NAV1: variants seen among roughly 807,000 people sequenced by gnomAD.
The protein encoded by NAV1 is pore membrane and/or filament interacting like protein 3.
NAV1 carries 18 observed loss-of-function variants against 175.2 expected under a neutral mutation model. That is an observed-to-expected ratio of 0.10 (90% confidence interval 0.07 to 0.15). The LOEUF (loss-of-function observed/expected upper bound fraction) is 0.15, where lower values mean the gene tolerates loss of function less well. Among genes scored for constraint, NAV1 ranks in the 10% least tolerant of loss-of-function variants. The probability of loss-of-function intolerance (pLI) is 1.00; values close to 1 mark genes in which losing one functional copy is unlikely to be tolerated. For missense variants in NAV1, 1,731 were observed against 2,436.6 expected (o/e 0.71, Z 6.10); for synonymous variants, 897 against 978.7 (o/e 0.92, Z 1.56).
intron 1 of NAV1, among the ~76,000 whole-genome samples, chr1:201,626,442 C>T (rs1017951409): frequency 6.6e-6 from 1 of 152,210 alleles, no homozygotes; most frequent in African/African-American, 2.4e-5. Flanking sequence ...GCCCCATCCT[C>T]CACAGCCCTC....
At chr1:201,655,372 C>A (rs1003578698) in intron 1 of NAV1, among the ~76,000 whole-genome samples, 17 of 152,256 alleles carry the variant, frequency 1.1e-4, no homozygotes, top group African/African-American at 4.1e-4. Flanking sequence ...GACCTCCCCC[C>A]ACACCCTGTT....
At position 201,556,034 on chromosome 1, in the gene NAV1, T is replaced by C. The variant is rs144950022; in HGVS notation, c.-144+16692T>C. Among the ~76,000 whole-genome samples, 736 of 152,260 alleles carry C rather than the reference T, an allele frequency of 4.8e-3. 3 individuals carry two copies. The highest frequency in any genetic ancestry group is 0.017 in the African/African-American group (704 of 41,538). On this transcript the variant is annotated intron_variant, in intron 1 of 33. Transcript: ENST00000685211. Reference sequence around the variant, plus strand: ...GGATTGAAAATGCCACATTCATTAATTCACTGATCCATTCATTCATTCACT... The same window carrying C: ...GGATTGAAAATGCCACATTCATTAACTCACTGATCCATTCATTCATTCACT...
chr1:201,600,927 C>G (rs893274448), intron 2 of NAV1, among the ~76,000 whole-genome samples: 2 of 152,182 alleles, frequency 1.3e-5, no homozygotes, highest in East Asian at 1.9e-4. Flanking sequence ...TTCCCTGGGT[C>G]TCTGCCAAAG....
chr1:201,786,724 AAAGT>A (rs1676775684), intron 9 of NAV1, 147 bp downstream of exon 13: 1 of 800,400 alleles, frequency 1.2e-6, no homozygotes, highest in African/African-American at 1.7e-5. Context: ...TTATCCACCC[AAAGT>A]AAGATTGAAG....
At chr1:201,625,820 C>A (rs1668315692) in intron 1 of NAV1, among the ~76,000 whole-genome samples, 1 of 152,186 alleles carries the variant, frequency 6.6e-6, no homozygotes, top group African/African-American at 2.4e-5. Flanking sequence ...ATATTCAGAA[C>A]CTGACATTTT....
intron 2 of NAV1, among the ~76,000 whole-genome samples, chr1:201,617,051 C>T (rs2102267146): frequency 6.6e-6 from 1 of 152,248 alleles, no homozygotes; most frequent in East Asian, 1.9e-4. Flanking sequence ...TTATTGAGGA[C>T]TGGGATCCCC....
chr1:201,820,029 C>G (rs1422094628), exon 30 of NAV1: 2 of 1,170,118 alleles, frequency 1.7e-6, no homozygotes, highest in Non-Finnish European at 2.5e-6. Context: ...CACTGGCTCT[C>G]CAGCCCCAGG....
intron 1 of NAV1, among the ~76,000 whole-genome samples, chr1:201,676,085 G>A (rs1558057729): frequency 2.0e-5 from 3 of 152,088 alleles, no homozygotes; most frequent in Admixed American, 6.6e-5. Flanking sequence ...TATGCTGGCC[G>A]GTTCTGCTTC....
At chr1:201,822,005 C>A (rs1018506647) in exon 30 of NAV1, 5 of 152,680 alleles carry the variant, frequency 3.3e-5, no homozygotes, top group African/African-American at 1.2e-4. Context: ...GCATCTGAAT[C>A]TTCATATCGG....
chr1:201,791,183 C>T (rs897733511), intron 13 of NAV1: 2 of 180,590 alleles, frequency 1.1e-5, no homozygotes, highest in Non-Finnish European at 2.4e-5. Flanking sequence ...GTTCATGCCA[C>T]GTAACTGTGC....
At chr1:201,783,776 C>G in exon 7 of NAV1, 3 of 1,614,116 alleles carry the variant, frequency 1.9e-6, no homozygotes, top group Non-Finnish European at 2.5e-6. Context: ...CCCACCTGCT[C>G]CCCCTGCTGC....
chr1:201,750,307 C>T lies in NAV1; in HGVS notation c.1227-30114C>T, dbSNP rs1674022502. Among the ~76,000 whole-genome samples the T allele has an allele frequency of 6.6e-6, 1 of 152,110 alleles. No individual in the cohort carries two copies. The highest frequency in any genetic ancestry group is 1.5e-5 in the Non-Finnish European group (1 of 68,024). ...GAAAAACACCCATTTGCGTGGATGA[C>T]TTGGTGCATCAGTGATAGGGGAGAA... On this transcript the variant is annotated intron_variant, in intron 3 of 29. Coordinates refer to ENST00000367296, the Ensembl canonical transcript of NAV1. This position sits in a 1 kb window ranked among gnomAD's most constrained non-coding sequence, Gnocchi z 4.1.
chr1:201,727,107 T>A (rs1381379979), intron 3 of NAV1, among the ~76,000 whole-genome samples: 1 of 152,216 alleles, frequency 6.6e-6, no homozygotes, highest in Non-Finnish European at 1.5e-5. Context: ...AGGATTAAAT[T>A]AGTTAATACT....
intron 3 of NAV1, among the ~76,000 whole-genome samples, chr1:201,746,015 G>A (rs2102576688): frequency 1.3e-5 from 2 of 151,418 alleles, no homozygotes; most frequent in South Asian, 4.2e-4. Context: ...TTTTGTAGAG[G>A]CCGGGTTTTG....
chr1:201,693,946 A>T (rs1389843617), intron 1 of NAV1, among the ~76,000 whole-genome samples: 1 of 152,142 alleles, frequency 6.6e-6, no homozygotes, highest in African/African-American at 2.4e-5. Flanking sequence ...TGGGGGCAGG[A>T]CCTGTCTGAA....
chr1:201,802,236 C>T (rs376736990), intron 15 of NAV1, among the ~76,000 whole-genome samples: 2 of 132,156 alleles, frequency 1.5e-5, no homozygotes, highest in African/African-American at 5.6e-5. Flanking sequence ...ACCCAGGAGA[C>T]GGAGGTTGCA....
chr1:201,642,840 G>T (rs1449950569), intron 2 of NAV1, among the ~76,000 whole-genome samples: 1 of 150,416 alleles, frequency 6.6e-6, no homozygotes, highest in African/African-American at 2.4e-5. Flanking sequence ...CGCCATCTCG[G>T]CTCACTGCAG....
At chr1:201,771,544 G>A (rs1422422993) in intron 3 of NAV1, among the ~76,000 whole-genome samples, 3 of 146,182 alleles carry the variant, frequency 2.1e-5, no homozygotes, top group African/African-American at 7.6e-5. Flanking sequence ...ACCTATAACA[G>A]AGCCCAAACC....
intron 1 of NAV1, among the ~76,000 whole-genome samples, chr1:201,624,153 TC>T (rs1323029671): frequency 6.6e-6 from 1 of 152,194 alleles, no homozygotes; most frequent in Admixed American, 6.5e-5. Flanking sequence ...CTTGTGCATA[TC>T]TGCTTATGTG....
Sources: allele counts gnomAD v4.1 joint callset (sites outside exome capture counted in the v4.1 genomes callset), GRCh38; gene constraint gnomAD v4.1.1; non-coding constraint Gnocchi (gnomAD v3.1); transcripts MANE v1.5; gene names NCBI Gene and HGNC (gene_info 2026-07-23, HGNC 2026-07-21).